RBFOX1: variants seen among roughly 807,000 people sequenced by gnomAD.
The protein encoded by RBFOX1 is RNA binding protein fox-1 homolog 1.
RBFOX1 carries 8 observed loss-of-function variants against 57.7 expected under a neutral mutation model. The observed-to-expected ratio is 0.14, with a 90% confidence interval of 0.08 to 0.25. The LOEUF (loss-of-function observed/expected upper bound fraction) is 0.25, where lower values mean the gene tolerates loss of function less well. Among genes scored for constraint, RBFOX1 ranks in the 10% least tolerant of loss-of-function variants. The pLI is 1.00. For missense variants in RBFOX1, 611 were observed against 548.5 expected (o/e 1.11, Z -1.14); for synonymous variants, 326 against 222.4 (o/e 1.47, Z -4.15).
intron 2 of RBFOX1, among the ~76,000 whole-genome samples, chr16:6,628,193 C>T (rs183312444): frequency 2.6e-5 from 4 of 152,298 alleles, no homozygotes; most frequent in Admixed American, 2.0e-4. Flanking sequence ...CCTTGGTCAT[C>T]TCACCAGTCT....
intron 3 of RBFOX1, among the ~76,000 whole-genome samples, chr16:6,811,986 G>T (rs1246304933): frequency 6.6e-6 from 1 of 152,128 alleles, no homozygotes; most frequent in Non-Finnish European, 1.5e-5. Flanking sequence ...TTTCTCCTCA[G>T]CATGAACAGA....
chr16:5,918,493 G>T (rs61661446), intron 4 of RBFOX1, among the ~76,000 whole-genome samples: 1 of 152,128 alleles, frequency 6.6e-6, no homozygotes, highest in African/African-American at 2.4e-5. Flanking sequence ...GTTCCGTATC[G>T]TAAGTCACCA....
chr16:6,486,527 G>C (rs899314478), intron 2 of RBFOX1, among the ~76,000 whole-genome samples: 67 of 152,194 alleles, frequency 4.4e-4, no homozygotes, highest in African/African-American at 1.5e-3. Context: ...AAAGGGAGTT[G>C]GCGTAAGTTC....
chr16:5,566,305 A>G (rs1237508431), intron 2 of RBFOX1, among the ~76,000 whole-genome samples: 2 of 152,094 alleles, frequency 1.3e-5, no homozygotes, highest in Non-Finnish European at 2.9e-5. Flanking sequence ...CAGCACTGTA[A>G]CGGCATTCCA....
intron 2 of RBFOX1, among the ~76,000 whole-genome samples, chr16:6,360,880 C>T (rs890108472): frequency 1.3e-5 from 2 of 152,122 alleles, no homozygotes; most frequent in African/African-American, 4.8e-5. Flanking sequence ...TTTGGAGACC[C>T]TGAGTTTCTT....
intron 2 of RBFOX1, among the ~76,000 whole-genome samples, chr16:5,549,881 G>A (rs965698135): frequency 6.6e-6 from 1 of 152,170 alleles, no homozygotes; most frequent in Non-Finnish European, 1.5e-5. Context: ...TGCAGGCCCA[G>A]GTGTGGATGA....
chr16:6,609,450 C>G (rs1380159535), intron 2 of RBFOX1, among the ~76,000 whole-genome samples: 1 of 152,040 alleles, frequency 6.6e-6, no homozygotes, highest in African/African-American at 2.4e-5. Flanking sequence ...CAGGCTCAAT[C>G]CTCCCACCTC....
intron 4 of RBFOX1, among the ~76,000 whole-genome samples, chr16:7,280,983 C>T (rs2095531531): frequency 8.2e-6 from 1 of 122,090 alleles, no homozygotes; most frequent in Non-Finnish European, 1.6e-5. Flanking sequence ...CTCCCTCCCT[C>T]CCTCCCTCCT....
intron 4 of RBFOX1, among the ~76,000 whole-genome samples, chr16:5,870,325 A>T (rs762473319): frequency 1.4e-4 from 21 of 149,056 alleles, no homozygotes; most frequent in Non-Finnish European, 2.8e-4. Flanking sequence ...AAACTGATAG[A>T]GCTCTACAAT....
intron 1 of RBFOX1, among the ~76,000 whole-genome samples, chr16:6,033,060 T>C (rs375370014): frequency 1.3e-5 from 2 of 152,088 alleles, no homozygotes. Context: ...TCGTTTGTCA[T>C]CTGAGTTGTG....
intron 15 of RBFOX1, chr16:7,710,228 A>G (rs936671824): frequency 1.9e-6 from 2 of 1,052,436 alleles, no homozygotes; most frequent in East Asian, 9.8e-5. Flanking sequence ...GCATTCAACA[A>G]CTCTGCTTCA....
At chr16:5,731,981 T>G (rs1037378660) in intron 3 of RBFOX1, among the ~76,000 whole-genome samples, 1 of 152,196 alleles carries the variant, frequency 6.6e-6, no homozygotes, top group African/African-American at 2.4e-5. Flanking sequence ...TCTAGAATTC[T>G]CCACCCCATA....
At chr16:7,422,377 A>T (rs1486903869) in intron 4 of RBFOX1, among the ~76,000 whole-genome samples, 1 of 152,176 alleles carries the variant, frequency 6.6e-6, no homozygotes, top group African/African-American at 2.4e-5. Flanking sequence ...GCGGCAAGCA[A>T]TCGGAGGTAA....
At chr16:6,869,293 A>G (rs2060465598) in intron 3 of RBFOX1, among the ~76,000 whole-genome samples, 1 of 152,134 alleles carries the variant, frequency 6.6e-6, no homozygotes, top group Non-Finnish European at 1.5e-5. Flanking sequence ...TCAAGTAAAT[A>G]CTTATTATAT....
At chr16:5,978,830 A>G (rs1362525469) in intron 4 of RBFOX1, among the ~76,000 whole-genome samples, 3 of 150,442 alleles carry the variant, frequency 2.0e-5, no homozygotes, top group African/African-American at 2.5e-5. Context: ...GCAGAAGTGA[A>G]ATGCTCTTCT....
chr16:7,115,630 G>A (rs898305866), intron 4 of RBFOX1, among the ~76,000 whole-genome samples: 1 of 152,216 alleles, frequency 6.6e-6, no homozygotes, highest in African/African-American at 2.4e-5. Flanking sequence ...TTGGGACAAA[G>A]TACATAGCTC....
At chr16:7,442,227 C>T (rs2098773564) in intron 4 of RBFOX1, among the ~76,000 whole-genome samples, 1 of 152,104 alleles carries the variant, frequency 6.6e-6, no homozygotes, top group Non-Finnish European at 1.5e-5. Flanking sequence ...CTCCTGACTA[C>T]TCCAATGCCA....
chr16:5,315,011 G>A (rs914855408), intron 1 of RBFOX1, among the ~76,000 whole-genome samples: 1 of 152,136 alleles, frequency 6.6e-6, no homozygotes. Context: ...AAAGGGCATT[G>A]GGGGCCTCTG....
intron 1 of RBFOX1, among the ~76,000 whole-genome samples, chr16:5,373,181 G>C (rs887368077): frequency 6.6e-6 from 1 of 152,178 alleles, no homozygotes; most frequent in Non-Finnish European, 1.5e-5. Flanking sequence ...AGCTGCTGCA[G>C]CATTCCTTGT....
Sources: gnomAD v4.1 joint callset for allele counts (sites outside exome capture counted in the v4.1 genomes callset) on GRCh38, gnomAD v4.1.1 for gene constraint, MANE v1.5 for transcripts, NCBI Gene and HGNC (gene_info 2026-07-23, HGNC 2026-07-21) for gene names.